VWC2: variants seen among roughly 807,000 people sequenced by gnomAD.
VWC2 encodes brorin.
A neutral mutation model predicts 29.8 loss-of-function variants in VWC2; 14 were observed. That is an observed-to-expected ratio of 0.47 (90% CI 0.31 to 0.74). The LOEUF is 0.74. Among genes scored for constraint, VWC2 ranks in the 30% least tolerant of loss-of-function variants. The probability of loss-of-function intolerance (pLI) is 0.05; values close to 1 mark genes in which losing one functional copy is unlikely to be tolerated. For missense variants in VWC2, 457 were observed against 459.8 expected (o/e 0.99, Z 0.05); for synonymous variants, 213 against 199.0 (o/e 1.07, Z -0.59).
At position 49,791,520 on chromosome 7, in the gene VWC2, G is replaced by T. The variant is rs569938997; in HGVS notation, c.697-11191G>T. ...TATTTGCTGATGGCTGAAAACAGTT[G>T]TTCTTGTTAAAGTTTCTGTCTCTGT... On this transcript the variant is annotated intron_variant, in intron 2 of 3. Coordinates refer to ENST00000340652, the MANE Select transcript of VWC2 (RefSeq NM_198570.5). Among the ~76,000 whole-genome samples, 7 of 152,344 alleles carry T rather than the reference G, an allele frequency of 4.6e-5. 1 individual carries two copies. The highest frequency in any genetic ancestry group is 1.7e-4 in the African/African-American group (7 of 41,576).
intron 3 of VWC2, among the ~76,000 whole-genome samples, chr7:49,861,184 C>A (rs1047519660): frequency 6.6e-6 from 1 of 152,126 alleles, no homozygotes; most frequent in African/African-American, 2.4e-5. Flanking sequence ...TTTTATTCTT[C>A]GTTATTGCTA....
At chr7:49,879,179 T>G (rs1430895684) in intron 3 of VWC2, among the ~76,000 whole-genome samples, 1 of 152,184 alleles carries the variant, frequency 6.6e-6, no homozygotes, top group Non-Finnish European at 1.5e-5. Flanking sequence ...CACTTGATTC[T>G]CTATAGTTTT....
chr7:49,893,406 T>C (rs1210750276), intron 3 of VWC2, among the ~76,000 whole-genome samples: 1 of 152,230 alleles, frequency 6.6e-6, no homozygotes, highest in Non-Finnish European at 1.5e-5. Flanking sequence ...AGGCGTTTTC[T>C]TTTGATGAAG....
At chr7:49,801,500 T>G (rs1369348658) in intron 2 of VWC2, among the ~76,000 whole-genome samples, 1 of 152,216 alleles carries the variant, frequency 6.6e-6, no homozygotes, top group East Asian at 1.9e-4. Flanking sequence ...CCATGCCCTG[T>G]GTGAGTGACC....
intron 3 of VWC2, among the ~76,000 whole-genome samples, chr7:49,824,385 C>T (rs901381826): frequency 6.6e-6 from 1 of 152,162 alleles, no homozygotes; most frequent in Non-Finnish European, 1.5e-5. Flanking sequence ...AATCAATTCA[C>T]CATATGTGGG....
In VWC2 at chr7:49,775,406, G is replaced by T. The variant is rs1245027692; in HGVS notation, c.-30G>T. The stretch of plus-strand genomic sequence containing the variant: ...GACTCGCCCCTCGGCCGCGCTCCCC[G>T]CCCGCCCGCCCGCCGGGACGTGGTA... On this transcript the variant is annotated 5_prime_UTR_variant, in exon 2 of 4. Coordinates refer to ENST00000340652, the MANE Select transcript of VWC2 (RefSeq NM_198570.5). The T allele has an allele frequency of 1.7e-5, 13 of 784,690 alleles. No homozygotes were observed. The highest frequency in any genetic ancestry group is 5.3e-5 in the Admixed American group (1 of 18,942). The allele number at this position is 784,690 out of a possible 1,614,324, so 48.6% of individuals were successfully genotyped here.
intron 3 of VWC2, among the ~76,000 whole-genome samples, chr7:49,826,760 A>G (rs1338176981): frequency 6.6e-6 from 1 of 152,154 alleles, no homozygotes; most frequent in Non-Finnish European, 1.5e-5. Flanking sequence ...TAGATTTCTT[A>G]TATGTTTAAC....
intron 2 of VWC2, among the ~76,000 whole-genome samples, chr7:49,795,926 G>A (rs1422716870): frequency 1.3e-5 from 2 of 152,136 alleles, no homozygotes; most frequent in Non-Finnish European, 2.9e-5. Context: ...GTGTCCAAAA[G>A]GCTTGGCAGG....
chr7:49,864,225 A>C (rs1790788589), intron 3 of VWC2, among the ~76,000 whole-genome samples: 2 of 152,288 alleles, frequency 1.3e-5, no homozygotes, highest in Admixed American at 1.3e-4. Flanking sequence ...GTTTCCTTGA[A>C]TATCAAGGGA....
At chr7:49,906,374 G>A (rs933489558) in intron 3 of VWC2, among the ~76,000 whole-genome samples, 5 of 151,868 alleles carry the variant, frequency 3.3e-5, no homozygotes, top group East Asian at 1.9e-4. Context: ...TTGCTCTGTC[G>A]CCCAGGCTGG....
Position 49,775,626 on chromosome 7 carries a change from G to A in VWC2, c.191G>A (p.Arg64His). ...DGPGRVNELG[R>H]PARDEGGSGR... ...CCGGGGCGGGTGAACGAGCTCGGGC[G>A]CCCGGCGAGGGACGAGGGCGGCAGC... Residue 64 changes from arginine (R) to histidine (H), a missense_variant, in exon 2 of 4, where the codon CGC (arginine) becomes CAC (histidine). By Grantham distance (29) the Arg-to-His change is conservative. Around this residue, in one of 2 missense-constraint regions of VWC2, gnomAD observed 272 missense variants for 202.7 expected, o/e 1.34. Transcript: ENST00000340652. The A allele has an allele frequency of 1.3e-6, 2 of 1,529,824 alleles. No homozygotes were observed. Among genetic ancestry groups the A allele is most frequent in the Admixed American group, 2.0e-5 (1 of 49,964 alleles). The allele number at this position is 1,529,824 out of a possible 1,614,324, so 94.8% of individuals were successfully genotyped here. A position where few individuals can be genotyped will look rare whatever the true frequency, so the allele number is the denominator to read the frequency against.
At chr7:49,792,873 C>T (rs887944236) in intron 2 of VWC2, among the ~76,000 whole-genome samples, 3 of 152,166 alleles carry the variant, frequency 2.0e-5, no homozygotes, top group Non-Finnish European at 4.4e-5. Flanking sequence ...GTCGGGCAGT[C>T]AGGGGCTTGC....
intron 2 of VWC2, among the ~76,000 whole-genome samples, chr7:49,789,068 G>A (rs544736680): frequency 2.1e-5 from 3 of 143,724 alleles, no homozygotes; most frequent in South Asian, 2.1e-4. Flanking sequence ...GTGTGGGTGC[G>A]TGAGTGTGTG....
chr7:49,844,275 T>G (rs1251808374), intron 3 of VWC2, among the ~76,000 whole-genome samples: 1 of 152,214 alleles, frequency 6.6e-6, no homozygotes, highest in Non-Finnish European at 1.5e-5. Context: ...GTCGATTCTA[T>G]CCTCTCAACC....
rs1163354748 is a variant in VWC2 at position 49,919,201 on chromosome 7, A to G, written c.*7016A>G. The G allele has an allele frequency of 6.6e-6, 1 of 152,164 alleles. No individual in the cohort carries two copies. Among genetic ancestry groups the G allele is most frequent in the African/African-American group, 2.4e-5 (1 of 41,414 alleles). The allele number at this position is 152,164 out of a possible 1,614,324, so 9.4% of individuals were successfully genotyped here. A position where few individuals can be genotyped will look rare whatever the true frequency, so the allele number is the denominator to read the frequency against. ...TGGGGAGCAGCTGTGAGTCTTACTG[A>G]ATCGATTTATTCATTGCATTCTATG... On this transcript the variant is annotated 3_prime_UTR_variant, in exon 4 of 4. Transcript: ENST00000340652.
intron 2 of VWC2, among the ~76,000 whole-genome samples, chr7:49,798,981 T>C (rs1381660399): frequency 6.6e-6 from 1 of 152,170 alleles, no homozygotes; most frequent in East Asian, 1.9e-4. Context: ...TTATCAAATG[T>C]GAGCCAGCGA....
At chr7:49,816,655 G>T (rs945741340) in intron 3 of VWC2, among the ~76,000 whole-genome samples, 12 of 152,312 alleles carry the variant, frequency 7.9e-5, no homozygotes, top group African/African-American at 2.6e-4. Flanking sequence ...ACTGGCATAA[G>T]AAGGGGAAAA....
intron 3 of VWC2, among the ~76,000 whole-genome samples, chr7:49,879,487 G>A (rs1791581408): frequency 6.6e-6 from 1 of 152,138 alleles, no homozygotes; most frequent in Non-Finnish European, 1.5e-5. Context: ...CACCAAGCAT[G>A]GCATATAATA....
Position 49,918,078 on chromosome 7 carries a change from A to C in VWC2, c.*5893A>C, listed in dbSNP as rs1473698145. ...AAAAGCCATTCTTAAGCAGTCGGTG[A>C]ATGTATATCATCGGCCAAAAGTTAT... is the stretch of plus-strand genomic sequence containing the variant. On this transcript the variant is annotated 3_prime_UTR_variant, in exon 4 of 4. Coordinates refer to ENST00000340652, the MANE Select transcript of VWC2 (RefSeq NM_198570.5). 1 of 152,232 alleles carries C rather than the reference A, an allele frequency of 6.6e-6. No individual in the cohort carries two copies. The highest frequency in any genetic ancestry group is 2.4e-5 in the African/African-American group (1 of 41,470). 9.4% of individuals were successfully genotyped at this position (152,232 alleles called of 1,614,324 possible).
Sources: gnomAD v4.1 joint callset for allele counts (sites outside exome capture counted in the v4.1 genomes callset) on GRCh38, gnomAD v4.1.1 for gene constraint, gnomAD v4.1.1 regional missense constraint, MANE v1.5 for transcripts, NCBI Gene and HGNC (gene_info 2026-07-23, HGNC 2026-07-21) for gene names.